Variants in CLPX observed in about 807,000 individuals in gnomAD.
CLPX encodes ATP-dependent clpX-like chaperone, mitochondrial.
In CLPX, 34 loss-of-function variants were observed where a neutral mutation model predicts 76.4. The ratio of observed to expected loss-of-function variants is 0.45; its 90% CI spans 0.34 to 0.59. CLPX has a LOEUF of 0.59. Among genes scored for constraint, CLPX ranks in the 20% least tolerant of loss-of-function variants. The pLI is 0.01. For synonymous variants in CLPX, 248 were observed against 270.9 expected (o/e 0.92, Z 0.83); for missense variants, 613 against 757.0 (o/e 0.81, Z 2.23).
chr15:65,152,559 A>T (rs1566978335), intron 12 of CLPX, 23 bp from the exon 13 acceptor site: 3 of 1,343,816 alleles, frequency 2.2e-6, no homozygotes, highest in Non-Finnish European at 3.0e-6. Flanking sequence ...AAAGTAATGA[A>T]TCACATTGAA....
At chr15:65,178,449 TAA>T (rs1263768799) in intron 3 of CLPX, among the ~76,000 whole-genome samples, 1 of 152,180 alleles carries the variant, frequency 6.6e-6, no homozygotes, top group African/African-American at 2.4e-5. Flanking sequence ...ATAGTGAACA[TAA>T]GAGAGAATCA....
chr15:65,163,494 C>T (rs375443470), intron 5 of CLPX, among the ~76,000 whole-genome samples: 1 of 152,096 alleles, frequency 6.6e-6, no homozygotes. Flanking sequence ...GAAATTGGGG[C>T]TGTCTGGCCA....
At chr15:65,172,787 C>G (rs2088028902) in intron 3 of CLPX, among the ~76,000 whole-genome samples, 11 of 152,184 alleles carry the variant, frequency 7.2e-5, no homozygotes, top group Admixed American at 7.2e-4. Context: ...GCACAAAAAT[C>G]CCAGCACTTT....
intron 3 of CLPX, among the ~76,000 whole-genome samples, chr15:65,176,356 T>G (rs984380067): frequency 2.0e-5 from 3 of 152,202 alleles, no homozygotes; most frequent in African/African-American, 7.2e-5. Flanking sequence ...ACTCCTAAAG[T>G]ATCTCCAGAT....
intron 3 of CLPX, among the ~76,000 whole-genome samples, chr15:65,174,283 G>A (rs1210103485): frequency 7.4e-6 from 1 of 135,410 alleles, no homozygotes; most frequent in Non-Finnish European, 1.6e-5. Context: ...TCTTTTTTTT[G>A]AGATGGAGTC....
intron 11 of CLPX, 21 bp downstream of exon 11, chr15:65,154,761 T>C (rs770111501): frequency 7.1e-6 from 11 of 1,550,606 alleles, no homozygotes; most frequent in Non-Finnish European, 8.8e-6. Flanking sequence ...AATAACTAAG[T>C]ACAAAAAATA....
At chr15:65,154,262 G>C (rs566162705) in intron 11 of CLPX, among the ~76,000 whole-genome samples, 4 of 152,166 alleles carry the variant, frequency 2.6e-5, no homozygotes, top group Non-Finnish European at 5.9e-5. Context: ...ATGGGTCAAG[G>C]TGAATAATAT....
intron 3 of CLPX, among the ~76,000 whole-genome samples, chr15:65,173,348 AGAGT>A (rs983190286): frequency 1.4e-5 from 2 of 146,796 alleles, no homozygotes; most frequent in African/African-American, 5.1e-5. Context: ...ACCTGGTGAC[AGAGT>A]GAGACTCTGT....
At chr15:65,168,586 C>T (rs1460921766) in intron 3 of CLPX, among the ~76,000 whole-genome samples, 4 of 98,238 alleles carry the variant, frequency 4.1e-5, no homozygotes, top group South Asian at 3.4e-4. Context: ...CATCACACAC[C>T]GGGGCCTGTC....
Position 65,182,054 on chromosome 15 carries a change from C to G in CLPX, c.80-1850G>C, listed in dbSNP as rs1408341146. 7.5e-5 allele frequency among the ~76,000 whole-genome samples: 11 copies of G among 147,518 alleles called. No individual in the cohort carries two copies. In the Admixed American group the frequency reaches 7.5e-4, roughly 10 times the overall value. On this transcript the variant is annotated intron_variant, in intron 1 of 13. Coordinates refer to ENST00000300107, the MANE Select transcript of CLPX (RefSeq NM_006660.5). ...AGAAGAATCGCTTGAACCCAGGAAG[C>G]AGAGGTTGCAGTGAACCGAGATGGC...
At chr15:65,172,886 TTGCCTGTAGTCTC>T (rs1442007867) in intron 3 of CLPX, among the ~76,000 whole-genome samples, 2 of 151,280 alleles carry the variant, frequency 1.3e-5, no homozygotes, top group Non-Finnish European at 2.9e-5. Flanking sequence ...AGGGTGGCAT[TTGCCTGTAGTCTC>T]AGCTATTCAG....
At chr15:65,164,307 A>ACATTAT in intron 4 of CLPX, 119 bp from the exon 5 acceptor site, 1 of 739,136 alleles carries the variant, frequency 1.4e-6, no homozygotes, top group South Asian at 2.0e-5. Context: ...GACTCTCATT[A>ACATTAT]AAAACAAAAT....
intron 6 of CLPX, 35 bp from the exon 7 acceptor site, chr15:65,158,786 A>G (rs770752404): frequency 1.3e-6 from 2 of 1,515,070 alleles, no homozygotes. Context: ...CTTGAGCTTC[A>G]TTTGAATTTA....
At chr15:65,180,605 T>C (rs1375534006) in intron 1 of CLPX, among the ~76,000 whole-genome samples, 2 of 152,126 alleles carry the variant, frequency 1.3e-5, no homozygotes, top group Non-Finnish European at 2.9e-5. Context: ...TGTTATTATA[T>C]AAGAATACTA....
chr15:65,175,021 C>T (rs950170729), intron 3 of CLPX, among the ~76,000 whole-genome samples: 4 of 152,152 alleles, frequency 2.6e-5, no homozygotes, highest in African/African-American at 4.8e-5. Context: ...CTATCAGGGT[C>T]TATTCTTTTC....
intron 8 of CLPX, 152 bp downstream of exon 8, chr15:65,157,594 T>A (rs1043060767): frequency 1.3e-6 from 1 of 762,554 alleles, no homozygotes; most frequent in Non-Finnish European, 2.0e-6. Context: ...ATGTGGCCCT[T>A]AATCAGTATG....
intron 7 of CLPX, 31 bp downstream of exon 7, chr15:65,158,544 G>A (rs374514653): frequency 1.5e-5 from 23 of 1,548,392 alleles, no homozygotes; most frequent in Non-Finnish European, 2.0e-5. Flanking sequence ...TTTTTAAAAT[G>A]AGTAGTAAAT....
chr15:65,163,456 TA>T (rs1423877487), intron 5 of CLPX, among the ~76,000 whole-genome samples: 1 of 152,108 alleles, frequency 6.6e-6, no homozygotes, highest in African/African-American at 2.4e-5. Flanking sequence ...TAAAAGAATC[TA>T]AAATGATGGA....
chr15:65,152,286 T>C (rs1056113581), intron 13 of CLPX, 144 bp downstream of exon 13: 18 of 379,474 alleles, frequency 4.7e-5, no homozygotes, highest in Non-Finnish European at 7.0e-5. Context: ...CCAAATTAGA[T>C]TTTTCTACAG....
Sources: gnomAD v4.1 joint callset for allele counts (sites outside exome capture counted in the v4.1 genomes callset) on GRCh38, gnomAD v4.1.1 for gene constraint, MANE v1.5 for transcripts, NCBI Gene and HGNC (gene_info 2026-07-23, HGNC 2026-07-21) for gene names.